PSD3: variants seen among roughly 807,000 people sequenced by gnomAD.
PSD3 encodes PH and SEC7 domain-containing protein 3.
A neutral mutation model predicts 105.5 loss-of-function variants in PSD3; 49 were observed. The ratio of observed to expected loss-of-function variants is 0.46; its 90% CI spans 0.37 to 0.59. PSD3 has a LOEUF of 0.59. PSD3 is among the 20% of genes least tolerant of loss of function. PSD3 has a pLI of 0.00. For missense variants in PSD3, 1,561 were observed against 1,263.8 expected, an observed-to-expected ratio of 1.24 and a Z score of -3.57; for synonymous variants, 557 against 457.8, an observed-to-expected ratio of 1.22 and a Z score of -2.77.
At position 18,711,838 on chromosome 8, in the gene PSD3, C is replaced by T. The variant is rs73591601; in HGVS notation, c.2172+53611G>A. ...ACAACAGAATACACATTCTTTTTATCACCACATGGTACTTACTCTAAAATT... is the reference window on the plus strand; with the variant it reads ...ACAACAGAATACACATTCTTTTTATTACCACATGGTACTTACTCTAAAATT... On this transcript the variant is annotated intron_variant, in intron 9 of 15. Coordinates refer to ENST00000327040, the MANE Select transcript of PSD3 (RefSeq NM_015310.4). 7.0e-3 allele frequency among the ~76,000 whole-genome samples: 1,060 copies of T among 152,302 alleles called. 14 individuals carry two copies. The highest frequency in any genetic ancestry group is 0.024 in the African/African-American group (983 of 41,544).
intron 12 of PSD3, among the ~76,000 whole-genome samples, chr8:18,577,627 G>C (rs1380548078): frequency 6.6e-6 from 1 of 151,686 alleles, no homozygotes; most frequent in African/African-American, 2.4e-5. Flanking sequence ...TCCGTTTAAT[G>C]CTTAGTCATA....
intron 9 of PSD3, among the ~76,000 whole-genome samples, chr8:18,723,444 G>T (rs1198962843): frequency 1.3e-5 from 2 of 152,150 alleles, no homozygotes; most frequent in Non-Finnish European, 2.9e-5. Context: ...AAGATCTTCA[G>T]TAGCTATTTT....
chr8:18,804,694 C>A lies in PSD3; in HGVS notation c.1829+10G>T, dbSNP rs73666724. On this transcript the variant is annotated intron_variant, in intron 5 of 15. Transcript: ENST00000327040. ...GAGAATTCAGACTCCAGCAATGGGT[C>A]AGAACGTACTTCTTGCCAAGGTGTT... 0.12 allele frequency: 189,562 copies of A among 1,613,174 alleles called. 12,646 individuals carry two copies. Among genetic ancestry groups the A allele is most frequent in the East Asian group, 0.29 (12,956 of 44,852 alleles).
chr8:18,975,311 G>GA (rs145898601), intron 1 of PSD3, among the ~76,000 whole-genome samples: 9 of 48,176 alleles, frequency 1.9e-4, no homozygotes, highest in Non-Finnish European at 2.5e-4. Context: ...AACATTTTCT[G>GA]AAATTTTTTT....
chr8:18,974,125 T>C (rs1824798599), intron 1 of PSD3, among the ~76,000 whole-genome samples: 2 of 152,190 alleles, frequency 1.3e-5, no homozygotes, highest in African/African-American at 4.8e-5. Flanking sequence ...ATTACCACCA[T>C]CATTTATTTT....
intron 1 of PSD3, among the ~76,000 whole-genome samples, chr8:18,958,583 C>T (rs1345690269): frequency 6.6e-6 from 1 of 152,152 alleles, no homozygotes; most frequent in East Asian, 1.9e-4. Flanking sequence ...GTTAATTCAA[C>T]ATCAAAAAGA....
At chr8:19,072,164 C>T (rs933959313) in intron 1 of PSD3, among the ~76,000 whole-genome samples, 17 of 150,842 alleles carry the variant, frequency 1.1e-4, no homozygotes, top group Admixed American at 4.0e-4. Flanking sequence ...TGCAGTGGCA[C>T]GATCTCTGCT....
chr8:18,613,782 A>G (rs57616165), intron 11 of PSD3, among the ~76,000 whole-genome samples: 1 of 152,232 alleles, frequency 6.6e-6, no homozygotes, highest in African/African-American at 2.4e-5. Context: ...CTTGCAAAAC[A>G]ACCCAGTACC....
chr8:18,737,673 T>G (rs181674405), intron 9 of PSD3, among the ~76,000 whole-genome samples: 60 of 152,290 alleles, frequency 3.9e-4, no homozygotes, highest in Admixed American at 3.9e-3. Context: ...TAAATAAGTC[T>G]TGCAAATATC....
intron 10 of PSD3, among the ~76,000 whole-genome samples, chr8:18,650,353 A>C (rs1808382047): frequency 6.6e-6 from 1 of 151,662 alleles, no homozygotes; most frequent in Non-Finnish European, 1.5e-5. Flanking sequence ...TAAAGCCAAG[A>C]AAAATGCCTC....
At position 18,723,995 on chromosome 8, in the gene PSD3, T is replaced by C. The variant is rs1032640051; in HGVS notation, c.2172+41454A>G. ...GCAGTGAAACACTATCACAGCCATA[T>C]GAACTCAAGTAAAGATCTGTAAACT... On this transcript the variant is annotated intron_variant, in intron 9 of 15. Coordinates refer to ENST00000327040, the MANE Select transcript of PSD3 (RefSeq NM_015310.4). Among the ~76,000 whole-genome samples, 9 of 151,490 alleles carry C rather than the reference T, an allele frequency of 5.9e-5. No homozygotes were observed. The South Asian group carries it at 1.9e-3, about 31-fold the overall frequency.
chr8:18,891,069 T>A (rs1158333780), intron 2 of PSD3, among the ~76,000 whole-genome samples: 1 of 152,186 alleles, frequency 6.6e-6, no homozygotes, highest in Non-Finnish European at 1.5e-5. Flanking sequence ...CAGAGCTTAC[T>A]ATGGATAATG....
chr8:18,763,134 G>A (rs1806680203), intron 9 of PSD3: 2 of 439,608 alleles, frequency 4.5e-6, no homozygotes, highest in Non-Finnish European at 9.2e-6. Context: ...AATCTGAACA[G>A]ACATAAATCC....
intron 1 of PSD3, among the ~76,000 whole-genome samples, chr8:19,002,906 G>A (rs1435527241): frequency 6.6e-6 from 1 of 151,992 alleles, no homozygotes; most frequent in African/African-American, 2.4e-5. Context: ...AGAAAGTCCA[G>A]TTTTGCCGTT....
rs565197522 is a variant in PSD3 at position 18,631,436 on chromosome 8, T to C, written c.2410+1177A>G. ...AAGTTAGGGAAGAAGAACAATCCTC[T>C]TTGGTGTCAAAATTAAACACGTGAT... On this transcript the variant is annotated intron_variant, in intron 11 of 15. Transcript: ENST00000327040. 1.2e-4 allele frequency among the ~76,000 whole-genome samples: 19 copies of C among 152,088 alleles called. No individual in the cohort carries two copies. The South Asian group carries it at 1.9e-3, about 15-fold the overall frequency.
chr8:18,977,556 C>G (rs1825011682), intron 1 of PSD3, among the ~76,000 whole-genome samples: 1 of 151,978 alleles, frequency 6.6e-6, no homozygotes, highest in Non-Finnish European at 1.5e-5. Context: ...TTATGCTTAT[C>G]TGTATTTAAA....
intron 10 of PSD3, among the ~76,000 whole-genome samples, chr8:18,647,989 C>A (rs1471706510): frequency 3.3e-5 from 5 of 152,164 alleles, no homozygotes. Context: ...GATGCCAGCA[C>A]CACGCTTCCT....
intron 1 of PSD3, among the ~76,000 whole-genome samples, chr8:18,962,364 A>G (rs1161209107): frequency 6.6e-6 from 1 of 152,246 alleles, no homozygotes; most frequent in African/African-American, 2.4e-5. Context: ...CTTGTTGTAA[A>G]TACCACGAAT....
At chr8:19,019,774 C>T (rs960753003) in intron 1 of PSD3, among the ~76,000 whole-genome samples, 3 of 152,136 alleles carry the variant, frequency 2.0e-5, no homozygotes, top group Admixed American at 6.5e-5. Context: ...AAATTCACCA[C>T]GGTACTTGCC....
Sources: gnomAD v4.1 joint callset for allele counts (sites outside exome capture counted in the v4.1 genomes callset) on GRCh38, gnomAD v4.1.1 for gene constraint, MANE v1.5 for transcripts, NCBI Gene and HGNC (gene_info 2026-07-23, HGNC 2026-07-21) for gene names.